The following MEI4 variants were observed in gnomAD, a reference collection of about 807,000 sequenced individuals.
MEI4 encodes meiotic double-stranded break formation protein 4, also known as meiosis-specific protein MEI4.
A neutral mutation model predicts 31.4 loss-of-function variants in MEI4; 27 were observed. The observed-to-expected ratio is 0.86, with a 90% confidence interval of 0.63 to 1.19. The LOEUF (loss-of-function observed/expected upper bound fraction) is 1.19. Ranked by LOEUF, MEI4 falls within the 50% of genes most tolerant of loss-of-function variation. The pLI is 0.00. For synonymous variants in MEI4, 122 were observed against 145.4 expected, an observed-to-expected ratio of 0.84 and a Z score of 1.16; for missense variants, 329 against 398.9, an observed-to-expected ratio of 0.82 and a Z score of 1.49.
chr6:77,813,739 A>G (rs1431133606), intron 3 of MEI4, among the ~76,000 whole-genome samples: 1 of 152,066 alleles, frequency 6.6e-6, no homozygotes, highest in Non-Finnish European at 1.5e-5. Flanking sequence ...TCTGATCAAA[A>G]CTACATTTAA....
chr6:77,867,506 A>T (rs1336030913), intron 4 of MEI4, among the ~76,000 whole-genome samples: 1 of 152,186 alleles, frequency 6.6e-6, no homozygotes, highest in African/African-American at 2.4e-5. Context: ...GCAAATCAAA[A>T]CCACAATGAG....
chr6:77,746,640 TG>T (rs1767614922), intron 2 of MEI4, among the ~76,000 whole-genome samples: 1 of 16,050 alleles, frequency 6.2e-5, no homozygotes, highest in Admixed American at 7.8e-4. Context: ...ATATATGGCG[TG>T]TGTGTGTGTG....
At chr6:77,666,233 C>T (rs1768630473) in intron 1 of MEI4, among the ~76,000 whole-genome samples, 1 of 151,966 alleles carries the variant, frequency 6.6e-6, no homozygotes, top group African/African-American at 2.4e-5. Flanking sequence ...TTACAAAGAA[C>T]CTTCTTAAGG....
chr6:77,873,055 C>CTTTATAGCAGCATGATTTATAGTCT (rs1581940530), intron 4 of MEI4, among the ~76,000 whole-genome samples: 1 of 151,780 alleles, frequency 6.6e-6, no homozygotes, highest in African/African-American at 2.4e-5. Context: ...GTGCATGTGT[C>CTTTATAGCAGCATGATTTATAGTCT]TTTATAGCAG....
rs35429284 is a variant in MEI4 at position 77,671,054 on chromosome 6, GT to G, written c.-15+17983del. Reference sequence around the variant, plus strand: ...ACAGTTGGCAAATTTGTGAATTGTTGTTTTTTTTTTTTTTTTTTTTTGAGAT... The same window carrying G: ...ACAGTTGGCAAATTTGTGAATTGTTGTTTTTTTTTTTTTTTTTTTTGAGAT... On this transcript the variant is annotated intron_variant, in intron 1 of 4. Transcript: ENST00000684080. Among the ~76,000 whole-genome samples, 1,089 of 110,412 alleles carry G rather than the reference GT, an allele frequency of 9.9e-3. 8 individuals are homozygous for G. Among genetic ancestry groups the G allele is most frequent in the African/African-American group, 0.029 (871 of 30,546 alleles). 72.4% of individuals were successfully genotyped at this position (110,412 alleles called of 152,430 possible). A position where few individuals can be genotyped will look rare whatever the true frequency, so the allele number is the denominator to read the frequency against.
chr6:77,805,757 A>G (rs536433955), intron 3 of MEI4, among the ~76,000 whole-genome samples: 8 of 152,248 alleles, frequency 5.3e-5, no homozygotes, highest in African/African-American at 1.9e-4. Context: ...AAAAATATAT[A>G]CAGGTCTCTT....
intron 2 of MEI4, among the ~76,000 whole-genome samples, chr6:77,749,974 T>G (rs754833207): frequency 5.9e-5 from 9 of 152,172 alleles, no homozygotes; most frequent in African/African-American, 1.2e-4. Flanking sequence ...TCAACATTCT[T>G]AAAGAAAAGA....
intron 2 of MEI4, among the ~76,000 whole-genome samples, chr6:77,707,433 A>C (rs2127658680): frequency 6.6e-6 from 1 of 152,300 alleles, no homozygotes; most frequent in African/African-American, 2.4e-5. Context: ...TAAAGTTGGA[A>C]GTTACATTTA....
Position 77,690,863 on chromosome 6 carries a change from A to T in MEI4, c.192A>T (p.Lys64Asn). ...CTGAAGTTATGCAATTACGTCAAAA[A>T]CTTCTTGTGAGCAGGCTTTGTTCAG... Reference protein sequence around the residue: ...LEAEVMQLRQKLLVSRLCSGS... With the variant: ...LEAEVMQLRQNLLVSRLCSGS... Residue 64 changes from lysine (K) to asparagine (N), a missense_variant, in exon 2 of 5, where the codon AAA (lysine) becomes AAT (asparagine). Physicochemically the swap from Lys to Asn is moderately conservative, Grantham distance 94. Transcript: ENST00000684080. The T allele has an allele frequency of 1.6e-6, 2 of 1,231,222 alleles. No homozygotes were observed. The highest frequency in any genetic ancestry group is 2.0e-6 in the Non-Finnish European group (2 of 987,278). The allele number at this position is 1,231,222 out of a possible 1,614,324, so 76.3% of individuals were successfully genotyped here. A position where few individuals can be genotyped will look rare whatever the true frequency, so the allele number is the denominator to read the frequency against.
intron 2 of MEI4, among the ~76,000 whole-genome samples, chr6:77,751,856 G>C (rs766885578): frequency 1.3e-5 from 2 of 151,978 alleles, no homozygotes; most frequent in Non-Finnish European, 2.9e-5. Context: ...ACATCAACAC[G>C]AAAATCCTCA....
chr6:77,797,921 T>C (rs1582155729), intron 3 of MEI4, among the ~76,000 whole-genome samples: 1 of 152,140 alleles, frequency 6.6e-6, no homozygotes, highest in East Asian at 1.9e-4. Context: ...TCCAATTAAG[T>C]TGACACCTAG....
chr6:77,846,586 A>G (rs1313520238), intron 4 of MEI4, among the ~76,000 whole-genome samples: 1 of 152,172 alleles, frequency 6.6e-6, no homozygotes, highest in East Asian at 1.9e-4. Flanking sequence ...TGAGAAAATC[A>G]TCATTGGAAC....
chr6:77,782,174 G>A (rs1482875984), intron 3 of MEI4, among the ~76,000 whole-genome samples: 1 of 151,986 alleles, frequency 6.6e-6, no homozygotes, highest in African/African-American at 2.4e-5. Context: ...AATTTCTGTA[G>A]GAAATAAAAG....
intron 2 of MEI4, among the ~76,000 whole-genome samples, chr6:77,740,763 G>C (rs1767378681): frequency 6.6e-6 from 1 of 151,590 alleles, no homozygotes; most frequent in South Asian, 2.1e-4. Flanking sequence ...TATCTGTATA[G>C]ACACACACAT....
chr6:77,797,910 A>G (rs979463241), intron 3 of MEI4, among the ~76,000 whole-genome samples: 7 of 152,142 alleles, frequency 4.6e-5, no homozygotes, highest in African/African-American at 9.7e-5. Flanking sequence ...GCATCCTTCA[A>G]TCCAATTAAG....
Position 77,733,930 on chromosome 6 carries a change from G to A in MEI4, c.233-27200G>A, listed in dbSNP as rs370044982. On this transcript the variant is annotated intron_variant, in intron 2 of 4. Coordinates refer to ENST00000684080, the MANE Select transcript of MEI4 (RefSeq NM_001322247.2). ...CATGTTGTTCAGTTTCCATGTAGTT[G>A]AGTGGTTTTGAGTGAGATTCTTATT... 1.8e-4 allele frequency among the ~76,000 whole-genome samples: 27 copies of A among 152,208 alleles called. 1 individual carries two copies. The East Asian group carries it at 2.7e-3, about 15-fold the overall frequency.
rs1453123607 is a variant in MEI4 at position 77,924,900 on chromosome 6, G to A, written c.*1554G>A. 6.6e-6 allele frequency: 1 copy of A among 151,822 alleles called. No homozygotes were observed. The highest frequency in any genetic ancestry group is 1.5e-5 in the Non-Finnish European group (1 of 67,886). 9.4% of individuals were successfully genotyped at this position (151,822 alleles called of 1,614,324 possible). A position where few individuals can be genotyped will look rare whatever the true frequency, so the allele number is the denominator to read the frequency against. On this transcript the variant is annotated 3_prime_UTR_variant, in exon 5 of 5. Transcript: ENST00000684080. ...CATGGATGTAGGTAGGTAATTATTA[G>A]GGCCAATAATTTACTTCACAACAAG...
At chr6:77,714,523 A>G (rs1316003359) in intron 2 of MEI4, among the ~76,000 whole-genome samples, 4 of 152,206 alleles carry the variant, frequency 2.6e-5, no homozygotes, top group African/African-American at 9.7e-5. Flanking sequence ...CAGTTCATAA[A>G]CTAGGTAGCA....
intron 4 of MEI4, among the ~76,000 whole-genome samples, chr6:77,850,444 A>T (rs1770589204): frequency 6.6e-6 from 1 of 152,114 alleles, no homozygotes; most frequent in South Asian, 2.1e-4. Flanking sequence ...AGAGATAGAG[A>T]CCAATGGAAC....
Sources: gnomAD v4.1 joint callset for allele counts (sites outside exome capture counted in the v4.1 genomes callset) on GRCh38, gnomAD v4.1.1 for gene constraint, MANE v1.5 for transcripts, NCBI Gene and HGNC (gene_info 2026-07-23, HGNC 2026-07-21) for gene names.